SLC41A1: variants seen among roughly 807,000 people sequenced by gnomAD.
The protein encoded by SLC41A1 is solute carrier family 41 (magnesium transporter), member 1.
A neutral mutation model predicts 47.3 loss-of-function variants in SLC41A1; 20 were observed. The ratio of observed to expected loss-of-function variants is 0.42; its 90% CI spans 0.30 to 0.61. The LOEUF (loss-of-function observed/expected upper bound fraction) is 0.61. SLC41A1 is among the 20% of genes least tolerant of loss of function. SLC41A1 has a pLI of 0.17. For synonymous variants in SLC41A1, 282 were observed against 272.7 expected (o/e 1.03, Z -0.34); for missense variants, 504 against 674.1 (o/e 0.75, Z 2.79).
chr1:205,810,668 T>C lies in SLC41A1; in HGVS notation c.-227A>G. ...AAGCTGGGAAGAAACAAGAAATTCCTCACCAGACAGCCACTAGGGGTGCAG... is the reference window on the plus strand; with the variant it reads ...AAGCTGGGAAGAAACAAGAAATTCCCCACCAGACAGCCACTAGGGGTGCAG... On this transcript the variant is annotated 5_prime_UTR_variant, in exon 2 of 11. The change abolishes the stop of an existing upstream ORF in the 5' untranslated region. Transcript: ENST00000367137. This position sits in a 1 kb window ranked among gnomAD's most constrained non-coding sequence, Gnocchi z 5.5. 1 of 622,810 alleles carries C rather than the reference T, an allele frequency of 1.6e-6. No individual in the cohort carries two copies. The highest frequency in any genetic ancestry group is 2.8e-6 in the Non-Finnish European group (1 of 361,728). 38.6% of individuals were successfully genotyped at this position (622,810 alleles called of 1,614,324 possible).
Position 205,794,090 on chromosome 1 carries a change from G to A in SLC41A1, c.1356+780C>T, listed in dbSNP as rs115595420. ...AACAGTTTTCTGTATTTTGGTTATA[G>A]TGGTGGTCACACAAATCTCCACTTG... is the stretch of plus-strand genomic sequence containing the variant. On this transcript the variant is annotated intron_variant, in intron 10 of 10. Transcript: ENST00000367137. Among the ~76,000 whole-genome samples the A allele has an allele frequency of 5.2e-3, 794 of 152,256 alleles. 3 individuals carry two copies. Among genetic ancestry groups the A allele is most frequent in the Non-Finnish European group, 6.0e-3 (407 of 68,026 alleles).
chr1:205,804,347 T>C (rs928804772), intron 2 of SLC41A1, among the ~76,000 whole-genome samples: 1 of 152,084 alleles, frequency 6.6e-6, no homozygotes, highest in African/African-American at 2.4e-5. Context: ...TGCCTGAGCT[T>C]CTGGTCTGGC....
chr1:205,809,674 G>A (rs1224202266), intron 2 of SLC41A1, among the ~76,000 whole-genome samples: 2 of 152,128 alleles, frequency 1.3e-5, no homozygotes, highest in African/African-American at 4.8e-5. Context: ...TCTACTATGG[G>A]TATCCTTGAA....
chr1:205,799,789 C>T lies in SLC41A1; in HGVS notation c.522G>A (p.Arg174=), dbSNP rs1384726492. The T allele has an allele frequency of 6.2e-7, 1 of 1,614,042 alleles. No homozygotes were observed. The highest frequency in any genetic ancestry group is 2.2e-5 in the East Asian group (1 of 44,890). Residue 174 remains arginine (R), a synonymous_variant, in exon 4 of 11, where the codon CGG becomes CGA. Transcript: ENST00000367137. ...GHMDTPKELW[R]MITGNMALIQ... ...TGAGGGCCATGTTCCCAGTGATCAT[C>T]CGCCAGAGCTCCTTGGGTGTGTCCA...
intron 9 of SLC41A1, 47 bp downstream of exon 9, chr1:205,795,297 G>A: frequency 6.2e-7 from 1 of 1,613,838 alleles, no homozygotes; most frequent in Middle Eastern, 1.7e-4. Context: ...CTCACTGACA[G>A]TAGGCCCACT....
intron 7 of SLC41A1, among the ~76,000 whole-genome samples, chr1:205,797,277 C>T (rs996685080): frequency 6.6e-6 from 1 of 152,238 alleles, no homozygotes; most frequent in Non-Finnish European, 1.5e-5. Context: ...GAGGAGCAGC[C>T]TGCAGGACTA....
intron 10 of SLC41A1, among the ~76,000 whole-genome samples, chr1:205,793,531 C>T (rs1487270934): frequency 2.6e-5 from 4 of 152,202 alleles, no homozygotes; most frequent in Non-Finnish European, 4.4e-5. Context: ...TTCTCAGCCC[C>T]GCCCCTGCCA....
At chr1:205,802,769 T>TAAAATAAAATAAAATAAAATAAAATA (rs1571646740) in intron 2 of SLC41A1, among the ~76,000 whole-genome samples, 1 of 141,576 alleles carries the variant, frequency 7.1e-6, no homozygotes, top group African/African-American at 2.6e-5. Flanking sequence ...TAAAATAAAA[T>TAAAATAAAATAAAATAAAATAAAATA]AGATAAAATA....
chr1:205,800,480 C>T (rs766050450), intron 3 of SLC41A1, among the ~76,000 whole-genome samples: 4 of 152,200 alleles, frequency 2.6e-5, no homozygotes, highest in Non-Finnish European at 4.4e-5. Flanking sequence ...TCCTCTCTGT[C>T]TGTTTCCTTA....
At chr1:205,800,566 C>T (rs1320623907) in intron 3 of SLC41A1, among the ~76,000 whole-genome samples, 3 of 89,914 alleles carry the variant, frequency 3.3e-5, no homozygotes, top group Non-Finnish European at 6.6e-5. Context: ...CCTGGCTCTG[C>T]TCCCGCCCAG....
At chr1:205,809,610 C>T (rs1479861867) in intron 2 of SLC41A1, among the ~76,000 whole-genome samples, 4 of 152,170 alleles carry the variant, frequency 2.6e-5, no homozygotes, top group Non-Finnish European at 5.9e-5. Context: ...CTCTTGGCAG[C>T]TGAACAAATT....
Position 205,791,569 on chromosome 1 carries a change from C to T in SLC41A1, c.1506G>A (p.Trp502Ter). 1 of 1,614,044 alleles carries T rather than the reference C, an allele frequency of 6.2e-7. No individual in the cohort carries two copies. Among genetic ancestry groups the T allele is most frequent in the Non-Finnish European group, 8.5e-7 (1 of 1,180,006 alleles). The change falls in exon 11 of 11, where the codon TGG (tryptophan) becomes TGA (stop). Residue 502 changes from tryptophan (W) to a stop codon, truncating the protein, a stop_gained. Coordinates refer to ENST00000367137, the MANE Select transcript of SLC41A1 (RefSeq NM_173854.6). LOFTEE classifies it high-confidence loss of function. The surrounding 1 kb of genome is among the most constrained non-coding windows in gnomAD (Gnocchi z 4.0). ...CATCCGTGTCTCGGTCCCCTATGAG[C>T]CAGAGAACATGGAAGCTGAGTGCTA... The part of the protein sequence containing the change: ...GLLALSFHVL[W>*]LIGDRDTDVG...
intron 2 of SLC41A1, among the ~76,000 whole-genome samples, chr1:205,805,302 G>C (rs1029566070): frequency 2.1e-4 from 32 of 152,342 alleles, no homozygotes; most frequent in African/African-American, 7.7e-4. Context: ...CAGGCAGAAA[G>C]CCTCTGACAC....
rs760152263 is a variant in SLC41A1 at position 205,791,654 on chromosome 1, G to A, written c.1421C>T (p.Pro474Leu). 2 of 1,614,078 alleles carry A rather than the reference G, an allele frequency of 1.2e-6. No homozygotes were observed. The highest frequency in any genetic ancestry group is 8.5e-7 in the Non-Finnish European group (1 of 1,180,020). ...CAAGTATGGGATGGAGAAGTTGTCC[G>A]GGTCCAGGCCCCGGCCCCACATCCA... is the stretch of plus-strand genomic sequence containing the variant. ...VHWMWGRGLD[P>L]DNFSIPYLTA... The change falls in exon 11 of 11, where the codon CCG (proline) becomes CTG (leucine). Residue 474 changes from proline to leucine, a missense_variant. Coordinates refer to ENST00000367137, the MANE Select transcript of SLC41A1 (RefSeq NM_173854.6). This position sits in a 1 kb window ranked among gnomAD's most constrained non-coding sequence, Gnocchi z 4.0.
Position 205,799,807 on chromosome 1 carries a change from T to C in SLC41A1, c.504A>G (p.Thr168=), listed in dbSNP as rs2102504890. Residue 168 remains threonine (T), a synonymous_variant, in exon 4 of 11, where the codon ACA becomes ACG. Coordinates refer to ENST00000367137, the MANE Select transcript of SLC41A1 (RefSeq NM_173854.6). ...STAANIGHMD[T]PKELWRMITG... Reference sequence around the variant, plus strand: ...TGATCATCCGCCAGAGCTCCTTGGGTGTGTCCATGTGTCCAATGTTGGCCT... The same window carrying C: ...TGATCATCCGCCAGAGCTCCTTGGGCGTGTCCATGTGTCCAATGTTGGCCT... 2 of 1,614,036 alleles carry C rather than the reference T, an allele frequency of 1.2e-6. No individual in the cohort carries two copies. Among genetic ancestry groups the C allele is most frequent in the East Asian group, 4.5e-5 (2 of 44,866 alleles).
At position 205,791,655 on chromosome 1, in the gene SLC41A1, G is replaced by A; in HGVS notation, c.1420C>T (p.Pro474Ser). The change falls in exon 11 of 11, where the codon CCG becomes TCG. Residue 474 changes from proline (P) to serine (S), a missense_variant. Physicochemically the swap from Pro to Ser is moderately conservative, Grantham distance 74 (BLOSUM62 -1). This residue lies in a region of SLC41A1 where 421 missense variants were observed against 601.6 expected (regional missense o/e 0.70). Transcript: ENST00000367137. The surrounding 1 kb of genome is among the most constrained non-coding windows in gnomAD (Gnocchi z 4.0). ...VHWMWGRGLDPDNFSIPYLTA... is the reference protein window; with the variant it reads ...VHWMWGRGLDSDNFSIPYLTA... ...AAGTATGGGATGGAGAAGTTGTCCGGGTCCAGGCCCCGGCCCCACATCCAG... is the reference window on the plus strand; with the variant it reads ...AAGTATGGGATGGAGAAGTTGTCCGAGTCCAGGCCCCGGCCCCACATCCAG... 6.2e-7 allele frequency: 1 copy of A among 1,614,078 alleles called. No homozygotes were observed. Among genetic ancestry groups the A allele is most frequent in the Non-Finnish European group, 8.5e-7 (1 of 1,180,016 alleles).
chr1:205,803,202 C>G (rs1157941983), intron 2 of SLC41A1, among the ~76,000 whole-genome samples: 2 of 151,954 alleles, frequency 1.3e-5, no homozygotes, highest in Non-Finnish European at 2.9e-5. Flanking sequence ...GATTGGAACC[C>G]TTGTGCACTC....
At chr1:205,795,105 C>T in intron 9 of SLC41A1, 87 bp from the exon 10 acceptor site, 2 of 1,552,194 alleles carry the variant, frequency 1.3e-6, no homozygotes, top group South Asian at 1.2e-5. Context: ...GGGACGGCAC[C>T]ATACCCCAGG....
rs1317793690 is a variant in SLC41A1, at chr1:205,790,337, T to C, written c.*1196A>G. 1.3e-5 allele frequency: 2 copies of C among 152,210 alleles called. No homozygotes were observed. Among genetic ancestry groups the C allele is most frequent in the Non-Finnish European group, 2.9e-5 (2 of 68,034 alleles). 9.4% of individuals were successfully genotyped at this position (152,210 alleles called of 1,614,324 possible). On this transcript the variant is annotated 3_prime_UTR_variant, in exon 11 of 11. Transcript: ENST00000367137. ...AGTGCCTGGCACAGTACCTAACACATAGTAGGCACTCAATAAATATTGCTC... is the reference window on the plus strand; with the variant it reads ...AGTGCCTGGCACAGTACCTAACACACAGTAGGCACTCAATAAATATTGCTC...
Sources: gnomAD v4.1 joint callset for allele counts (sites outside exome capture counted in the v4.1 genomes callset) on GRCh38, gnomAD v4.1.1 for gene constraint, gnomAD v4.1.1 regional missense constraint, Gnocchi (gnomAD v3.1) non-coding constraint, MANE v1.5 for transcripts, NCBI Gene and HGNC (gene_info 2026-07-23, HGNC 2026-07-21) for gene names.